The following ATG4A variants were observed in gnomAD, a reference collection of about 807,000 sequenced individuals.
The protein encoded by ATG4A is autophagy related 4A cysteine peptidase, also known as cysteine protease ATG4A.
In ATG4A, 22 loss-of-function variants were observed where a neutral mutation model predicts 38.4. That is an observed-to-expected ratio of 0.57 (90% CI 0.41 to 0.82). The LOEUF is 0.82. Among genes scored for constraint, ATG4A ranks in the 40% least tolerant of loss-of-function variants. The pLI is 0.00. For synonymous variants in ATG4A, 86 were observed against 100.7 expected, an observed-to-expected ratio of 0.85 and a Z score of 0.88; for missense variants, 220 against 290.0, an observed-to-expected ratio of 0.76 and a Z score of 1.75.
At chrX:108,133,347 G>A (rs1387124770) in intron 4 of ATG4A, among the ~76,000 whole-genome samples, 2 of 112,543 alleles carry the variant, frequency 1.8e-5, no homozygotes, top group East Asian at 2.8e-4. Flanking sequence ...TCCTCAGCAA[G>A]TTACGAATGG....
chrX:108,101,231 A>T (rs1164247387), intron 1 of ATG4A, among the ~76,000 whole-genome samples: 1 of 110,684 alleles, frequency 9.0e-6, no homozygotes, highest in African/African-American at 3.3e-5. Context: ...TGCAAGGTCT[A>T]TAATAATATC....
intron 1 of ATG4A, among the ~76,000 whole-genome samples, chrX:108,095,482 AG>A (rs758125088): frequency 1.8e-5 from 2 of 111,245 alleles, no homozygotes; most frequent in Admixed American, 9.5e-5. Flanking sequence ...CCTAGGTCTC[AG>A]AAAATGCTGG....
At chrX:108,112,047 G>T (rs2032369552) in intron 1 of ATG4A, among the ~76,000 whole-genome samples, 1 of 110,608 alleles carries the variant, frequency 9.0e-6, no homozygotes, top group Non-Finnish European at 1.9e-5. Context: ...CTATTTATGG[G>T]GTACATGAGA....
Position 108,153,833 on chromosome X carries a change from A to G in ATG4A, c.*121A>G, listed in dbSNP as rs2033646053. The G allele has an allele frequency of 3.8e-6, 2 of 525,039 alleles. No individual in the cohort carries two copies. The highest frequency in any genetic ancestry group is 3.3e-5 in the South Asian group (1 of 30,728). The allele number at this position is 525,039 out of a possible 1,213,427, so 43.3% of individuals were successfully genotyped here. ...TATGCCAATAGCATACAAACTCAAT[A>G]GCAATCATGACTGAGCCAATCACTG... On this transcript the variant is annotated 3_prime_UTR_variant, in exon 13 of 13. Coordinates refer to ENST00000372232, the MANE Select transcript of ATG4A (RefSeq NM_052936.5).
chrX:108,146,794 G>A (rs1195968571), intron 9 of ATG4A, among the ~76,000 whole-genome samples: 3 of 111,033 alleles, frequency 2.7e-5, no homozygotes, highest in Admixed American at 1.9e-4. Context: ...TTTCCATCTC[G>A]TTCACAGTGG....
chrX:108,143,784 G>A, intron 9 of ATG4A: 1 of 196,946 alleles, frequency 5.1e-6, no homozygotes, highest in Non-Finnish European at 9.6e-6. Context: ...GATGGTGAGT[G>A]GTGCCACTTC....
At chrX:108,140,955 T>C (rs927759197) in intron 9 of ATG4A, among the ~76,000 whole-genome samples, 2 of 91,436 alleles carry the variant, frequency 2.2e-5, no homozygotes, top group Non-Finnish European at 4.1e-5. Flanking sequence ...TACACATATA[T>C]ACATATATAC....
chrX:108,138,308 C>A, intron 9 of ATG4A, 117 bp downstream of exon 9: 1 of 635,898 alleles, frequency 1.6e-6, no homozygotes, highest in Non-Finnish European at 2.5e-6. Flanking sequence ...CCCAGGAATG[C>A]CGTGGCCTCT....
intron 2 of ATG4A, among the ~76,000 whole-genome samples, chrX:108,127,741 C>T (rs2032839249): frequency 8.9e-6 from 1 of 112,101 alleles, no homozygotes; most frequent in Non-Finnish European, 1.9e-5. Flanking sequence ...AAGTAGATTT[C>T]CCTTTGTTCT....
intron 1 of ATG4A, among the ~76,000 whole-genome samples, chrX:108,115,126 T>C (rs866745008): frequency 9.6e-6 from 1 of 103,904 alleles, no homozygotes; most frequent in African/African-American, 3.9e-5. Flanking sequence ...TGCGTGTGTG[T>C]GTGTGTGTGT....
intron 1 of ATG4A, among the ~76,000 whole-genome samples, chrX:108,094,198 C>T (rs2031730008): frequency 8.9e-6 from 1 of 111,823 alleles, no homozygotes; most frequent in Non-Finnish European, 1.9e-5. Flanking sequence ...TTTATTACTT[C>T]ATCTCTTACA....
rs1333449277 is a variant in ATG4A at position 108,113,311 on chromosome X, A to G, written c.11-12766A>G. ...GTTGGTGACAGGAAGCATTTTAGGC[A>G]ACTCTGGTGCACATCATTTCTCATC... On this transcript the variant is annotated intron_variant, in intron 1 of 12. Coordinates refer to ENST00000372232, the MANE Select transcript of ATG4A (RefSeq NM_052936.5). Among the ~76,000 whole-genome samples the G allele has an allele frequency of 1.1e-4, 12 of 111,947 alleles. No homozygotes were observed. In the Admixed American group the frequency reaches 1.1e-3, roughly 11 times the overall value.
intron 1 of ATG4A, among the ~76,000 whole-genome samples, chrX:108,102,571 T>A (rs1221785809): frequency 8.9e-6 from 1 of 111,891 alleles, no homozygotes. Flanking sequence ...CTCTTTTTAC[T>A]TTTATTGCCT....
intron 1 of ATG4A, among the ~76,000 whole-genome samples, chrX:108,124,892 G>GCA (rs1458566949): frequency 9.0e-6 from 1 of 111,442 alleles, no homozygotes; most frequent in Non-Finnish European, 1.9e-5. Context: ...GAGAATCTCT[G>GCA]CAGCTACTTG....
chrX:108,150,308 G>A lies in ATG4A; in HGVS notation c.960+11G>A, dbSNP rs371883076. 1.5e-4 allele frequency: 182 copies of A among 1,209,826 alleles called. No individual in the cohort carries two copies. Among genetic ancestry groups the A allele is most frequent in the Non-Finnish European group, 1.9e-4 (172 of 895,021 alleles). On this transcript the variant is annotated intron_variant, in intron 10 of 12. Transcript: ENST00000372232. The stretch of plus-strand genomic sequence containing the variant: ...CCTTCAGTTGCATTGGTGGGTATTC[G>A]TAGGTTGGGTGGGCCAGGAGATACG...
chrX:108,100,064 A>G (rs1267853875), intron 1 of ATG4A, among the ~76,000 whole-genome samples: 2 of 111,702 alleles, frequency 1.8e-5, no homozygotes, highest in African/African-American at 3.2e-5. Flanking sequence ...CATCTTTACT[A>G]TGCTGAGTCT....
chrX:108,126,198 G>A lies in ATG4A; in HGVS notation c.121+11G>A, dbSNP rs1435953726. 8.6e-7 allele frequency: 1 copy of A among 1,159,723 alleles called. No homozygotes were observed. Among genetic ancestry groups the A allele is most frequent in the East Asian group, 3.0e-5 (1 of 33,524 alleles). ...ATCTCCTTAAAACAGGTAAGATTTGGTAGCATTTGTCTGTAAGAACCCAGA... is the reference window on the plus strand; with the variant it reads ...ATCTCCTTAAAACAGGTAAGATTTGATAGCATTTGTCTGTAAGAACCCAGA... On this transcript the variant is annotated intron_variant, in intron 2 of 12. Coordinates refer to ENST00000372232, the MANE Select transcript of ATG4A (RefSeq NM_052936.5).
At chrX:108,111,015 C>A (rs1389645108) in intron 1 of ATG4A, among the ~76,000 whole-genome samples, 1 of 111,305 alleles carries the variant, frequency 9.0e-6, no homozygotes, top group Non-Finnish European at 1.9e-5. Context: ...GTGATCCTCT[C>A]ATTTCAGCCT....
chrX:108,121,562 A>G (rs2032649966), intron 1 of ATG4A, among the ~76,000 whole-genome samples: 1 of 111,361 alleles, frequency 9.0e-6, no homozygotes, highest in Non-Finnish European at 1.9e-5. Context: ...TCCCTCAATC[A>G]GGAATTCCCT....
Sources: gnomAD v4.1 joint callset for allele counts (sites outside exome capture counted in the v4.1 genomes callset) on GRCh38, gnomAD v4.1.1 for gene constraint, MANE v1.5 for transcripts, NCBI Gene and HGNC (gene_info 2026-07-23, HGNC 2026-07-21) for gene names.